The following FMO4 variants were observed in gnomAD, a reference collection of about 807,000 sequenced individuals.
The protein encoded by FMO4 is flavin containing dimethylaniline monoxygenase 4, also known as dimethylaniline monooxygenase [N-oxide-forming] 4.
In FMO4, 38 loss-of-function variants were observed where a neutral mutation model predicts 43.3. That is an observed-to-expected ratio of 0.88 (90% CI 0.68 to 1.15). The LOEUF (loss-of-function observed/expected upper bound fraction) is 1.15, where lower values mean the gene tolerates loss of function less well. Ranked by LOEUF, FMO4 falls within the 50% of genes most tolerant of loss-of-function variation. FMO4 has a pLI of 0.00. For missense variants in FMO4, 631 were observed against 663.3 expected (o/e 0.95, Z 0.54); for synonymous variants, 224 against 232.2 (o/e 0.96, Z 0.32).
Position 171,337,429 on chromosome 1 carries a change from T to C in FMO4, c.1250+4T>C. 6.2e-7 allele frequency: 1 copy of C among 1,601,814 alleles called. No homozygotes were observed. The highest frequency in any genetic ancestry group is 8.6e-7 in the Non-Finnish European group (1 of 1,168,932). On this transcript the variant is annotated splice_donor_region_variant and intron_variant, in intron 9 of 9. Transcript: ENST00000367749. ...AAAAGGAACAGCTCATTAAAAGGTA[T>C]GAAATGTAGCTTGCTCTAGGGCAAA...
intron 9 of FMO4, among the ~76,000 whole-genome samples, chr1:171,338,782 T>G (rs1663226202): frequency 6.6e-6 from 1 of 152,172 alleles, no homozygotes; most frequent in African/African-American, 2.4e-5. Context: ...ATCTACTTAG[T>G]TGAGGTTTTT....
At position 171,341,449 on chromosome 1, in the gene FMO4, C is replaced by T. The variant is rs1175104053; in HGVS notation, c.1287C>T (p.Asp429=). The change falls in exon 10 of 10, where the codon GAC becomes GAT. Residue 429 remains aspartate, a synonymous_variant. Transcript: ENST00000367749. The stretch of plus-strand genomic sequence containing the variant: ...AAGACACCAGCAAAGACAAATTTGA[C>T]TACATTGCCTACATGGATGATATCG... ...VFKDTSKDKF[D]YIAYMDDIAA... The T allele has an allele frequency of 1.2e-6, 2 of 1,613,808 alleles. No homozygotes were observed. Among genetic ancestry groups the T allele is most frequent in the Non-Finnish European group, 1.7e-6 (2 of 1,179,866 alleles).
intron 5 of FMO4, among the ~76,000 whole-genome samples, chr1:171,329,792 C>A (rs1021342449): frequency 2.0e-5 from 3 of 152,192 alleles, no homozygotes; most frequent in Non-Finnish European, 4.4e-5. Context: ...GTCAGAATCA[C>A]AAAACTGGCC....
chr1:171,326,968 T>C (rs1024903708), intron 5 of FMO4, among the ~76,000 whole-genome samples: 3 of 152,178 alleles, frequency 2.0e-5, no homozygotes, highest in African/African-American at 7.2e-5. Flanking sequence ...GACATAATCA[T>C]TGACTCAGAA....
At chr1:171,337,106 C>T (rs917639728) in intron 8 of FMO4, among the ~76,000 whole-genome samples, 9 of 152,038 alleles carry the variant, frequency 5.9e-5, no homozygotes, top group South Asian at 4.1e-4. Flanking sequence ...GTGAGTGTGG[C>T]GCAGGCTGAC....
Position 171,341,841 on chromosome 1 carries a change from C to T in FMO4, c.*2C>T. The stretch of plus-strand genomic sequence containing the variant: ...CTAGTAAGTCTTTGGCGAGGATGAA[C>T]CTGATTGTTACAAGGGTTACACAAA... On this transcript the variant is annotated 3_prime_UTR_variant, in exon 10 of 10. Coordinates refer to ENST00000367749, the MANE Select transcript of FMO4 (RefSeq NM_002022.3). The T allele has an allele frequency of 2.5e-6, 4 of 1,605,620 alleles. No homozygotes were observed. The highest frequency in any genetic ancestry group is 2.6e-6 in the Non-Finnish European group (3 of 1,175,408).
At chr1:171,324,092 G>T in intron 4 of FMO4, 46 bp from the exon 5 acceptor site, 3 of 1,554,924 alleles carry the variant, frequency 1.9e-6, no homozygotes, top group Non-Finnish European at 1.7e-6. Flanking sequence ...ATTGCATGAG[G>T]TCCAAGGGTG....
In FMO4 at chr1:171,324,186, C is replaced by T; in HGVS notation, c.370C>T (p.Gln124Ter). ...TKRPDFSETG[Q>*]WDVVTETEGK... ...GCGTCCAGACTTCTCCGAAACTGGTCAGTGGGATGTTGTCACAGAGACAGA... is the reference window on the plus strand; with the variant it reads ...GCGTCCAGACTTCTCCGAAACTGGTTAGTGGGATGTTGTCACAGAGACAGA... The change falls in exon 5 of 10, where the codon CAG becomes TAG. Residue 124 changes from glutamine to a stop codon, truncating the protein, a stop_gained. Coordinates refer to ENST00000367749, the MANE Select transcript of FMO4 (RefSeq NM_002022.3). LOFTEE classifies it high-confidence loss of function. 2 of 1,613,614 alleles carry T rather than the reference C, an allele frequency of 1.2e-6. No homozygotes were observed. Among genetic ancestry groups the T allele is most frequent in the South Asian group, 1.1e-5 (1 of 90,998 alleles).
intron 9 of FMO4, among the ~76,000 whole-genome samples, chr1:171,339,840 T>G (rs567767389): frequency 6.6e-6 from 1 of 152,162 alleles, no homozygotes; most frequent in African/African-American, 2.4e-5. Context: ...ATTATCTGGA[T>G]GCTAGGATCA....
chr1:171,325,245 A>T (rs16864392), intron 5 of FMO4, among the ~76,000 whole-genome samples: 6,678 of 152,300 alleles, frequency 0.044, 469 homozygotes, highest in African/African-American at 0.15. Context: ...CTCATGACTG[A>T]CAAATTGCCA....
intron 7 of FMO4, 145 bp downstream of exon 7, chr1:171,333,053 G>A: frequency 1.7e-6 from 1 of 580,202 alleles, no homozygotes; most frequent in South Asian, 2.4e-5. Flanking sequence ...CTGTTCATCA[G>A]GTACCACAGC....
chr1:171,314,670 T>C (rs763060114), intron 1 of FMO4, among the ~76,000 whole-genome samples: 5 of 152,130 alleles, frequency 3.3e-5, no homozygotes, highest in Admixed American at 6.6e-5. Context: ...TCATGAGACT[T>C]TCAGTGACTC....
chr1:171,331,904 G>A (rs1428809271), intron 6 of FMO4, 122 bp downstream of exon 6: 147 of 665,806 alleles, frequency 2.2e-4, no homozygotes, highest in South Asian at 5.4e-4. Context: ...CAGTAAGTGG[G>A]AAAAAAAAAA....
chr1:171,330,975 A>G (rs1398433601), intron 5 of FMO4, among the ~76,000 whole-genome samples: 1 of 152,244 alleles, frequency 6.6e-6, no homozygotes, highest in Admixed American at 6.5e-5. Context: ...CATCAATAAT[A>G]AAGCATAAAG....
chr1:171,319,974 T>C lies in FMO4; in HGVS notation c.132+17T>C, dbSNP rs766178690. On this transcript the variant is annotated intron_variant, in intron 3 of 9. Coordinates refer to ENST00000367749, the MANE Select transcript of FMO4 (RefSeq NM_002022.3). Reference sequence around the variant, plus strand: ...AAGTTTACTGTACGTGGTTCATCTCTATCAGTCATGATCTGGCCATTTGCT... The same window carrying C: ...AAGTTTACTGTACGTGGTTCATCTCCATCAGTCATGATCTGGCCATTTGCT... 4.8e-5 allele frequency: 77 copies of C among 1,611,826 alleles called. No homozygotes were observed. Among genetic ancestry groups the C allele is most frequent in the Non-Finnish European group, 6.0e-5 (71 of 1,178,132 alleles).
At chr1:171,323,313 T>C (rs2101883600) in intron 4 of FMO4, 121 bp downstream of exon 4, 1 of 656,276 alleles carries the variant, frequency 1.5e-6, no homozygotes, top group East Asian at 2.7e-5. Context: ...AATAGGAAGA[T>C]AATAAGGACT....
chr1:171,332,800 G>A lies in FMO4; in HGVS notation c.719G>A (p.Cys240Tyr). 6.2e-7 allele frequency: 1 copy of A among 1,613,284 alleles called. No homozygotes were observed. The highest frequency in any genetic ancestry group is 8.5e-7 in the Non-Finnish European group (1 of 1,179,348). The change falls in exon 7 of 10, where the codon TGT (cysteine) becomes TAT (tyrosine). Residue 240 changes from cysteine (C) to tyrosine (Y), a missense_variant. Cys to Tyr is a radical substitution (Grantham distance 194). Coordinates refer to ENST00000367749, the MANE Select transcript of FMO4 (RefSeq NM_002022.3). ...AATATGATGGTTACAAGAAGATGCT[G>A]TAGTTTTATTGCACAAGTTCTGCCT... is the stretch of plus-strand genomic sequence containing the variant. ...PYNMMVTRRC[C>Y]SFIAQVLPSR...
intron 5 of FMO4, among the ~76,000 whole-genome samples, chr1:171,330,697 C>T (rs577404859): frequency 6.6e-6 from 1 of 152,296 alleles, no homozygotes; most frequent in East Asian, 1.9e-4. Flanking sequence ...CACTGGGTCC[C>T]TCCCATGACA....
At chr1:171,331,564 C>T (rs1464455309) in intron 5 of FMO4, 76 bp from the exon 6 acceptor site, 3 of 1,438,952 alleles carry the variant, frequency 2.1e-6, no homozygotes, top group Admixed American at 1.8e-5. Context: ...TCCCTTTTTC[C>T]ACAGACCCTA....
Sources: gnomAD v4.1 joint callset for allele counts (sites outside exome capture counted in the v4.1 genomes callset) on GRCh38, gnomAD v4.1.1 for gene constraint, MANE v1.5 for transcripts, NCBI Gene and HGNC (gene_info 2026-07-23, HGNC 2026-07-21) for gene names.